The following TMCC1 variants were observed in gnomAD, a reference collection of about 807,000 sequenced individuals.
TMCC1 encodes the protein transmembrane and coiled-coil domain family 1, also known as transmembrane and coiled-coil domains protein 1.
A neutral mutation model predicts 52.4 loss-of-function variants in TMCC1; 15 were observed. The ratio of observed to expected loss-of-function variants is 0.29; its 90% CI spans 0.19 to 0.44. TMCC1 has a LOEUF of 0.44. TMCC1 is among the 20% of genes least tolerant of loss of function. The pLI is 1.00. For missense variants in TMCC1, 503 were observed against 806.0 expected (o/e 0.62, Z 4.55); for synonymous variants, 279 against 301.9 (o/e 0.92, Z 0.79).
intron 4 of TMCC1, among the ~76,000 whole-genome samples, chr3:129,714,375 C>G (rs2048914621): frequency 6.6e-6 from 1 of 152,132 alleles, no homozygotes; most frequent in African/African-American, 2.4e-5. Context: ...ACTGTGCCAG[C>G]TCCAGGTATC....
At chr3:129,792,569 C>A (rs2056551879) in intron 4 of TMCC1, among the ~76,000 whole-genome samples, 1 of 152,090 alleles carries the variant, frequency 6.6e-6, no homozygotes, top group African/African-American at 2.4e-5. Context: ...CACGCTGATC[C>A]ATTTGCTGAG....
intron 4 of TMCC1, among the ~76,000 whole-genome samples, chr3:129,724,704 A>AT (rs1251334077): frequency 6.6e-5 from 10 of 152,186 alleles, no homozygotes; most frequent in African/African-American, 2.4e-4. Context: ...CAGAACATGA[A>AT]TTTTCTACCA....
intron 1 of TMCC1, among the ~76,000 whole-genome samples, chr3:129,888,998 A>C (rs1362752255): frequency 6.6e-6 from 1 of 152,190 alleles, no homozygotes; most frequent in Middle Eastern, 3.2e-3. Context: ...ACGGCTGGAC[A>C]CAGTGACTCA....
At position 129,885,278 on chromosome 3, in the gene TMCC1, T is replaced by C. The variant is rs767301514; in HGVS notation, c.-434-4719A>G. The stretch of plus-strand genomic sequence containing the variant: ...GAAGAAAACTTTTGCCAAGTCTTCC[T>C]GAGGAAAATGAATTTGTCAAAGCAA... On this transcript the variant is annotated intron_variant, in intron 1 of 6. Coordinates refer to ENST00000393238, the MANE Select transcript of TMCC1 (RefSeq NM_001017395.5). 2.1e-4 allele frequency among the ~76,000 whole-genome samples: 32 copies of C among 152,220 alleles called. 1 individual carries two copies. The highest frequency in any genetic ancestry group is 3.4e-3 in the Middle Eastern group (1 of 294).
At chr3:129,719,912 C>T (rs1437916817) in intron 4 of TMCC1, among the ~76,000 whole-genome samples, 1 of 152,054 alleles carries the variant, frequency 6.6e-6, no homozygotes, top group Non-Finnish European at 1.5e-5. Context: ...GGCACGGTGT[C>T]TCATGCCTGT....
At chr3:129,715,617 C>T (rs1333383410) in intron 4 of TMCC1, among the ~76,000 whole-genome samples, 2 of 152,166 alleles carry the variant, frequency 1.3e-5, no homozygotes, top group African/African-American at 4.8e-5. Flanking sequence ...TCCAAGTAAG[C>T]CTACCTTTAT....
intron 2 of TMCC1, among the ~76,000 whole-genome samples, chr3:129,867,503 A>C (rs1436469764): frequency 6.6e-6 from 1 of 152,174 alleles, no homozygotes; most frequent in Non-Finnish European, 1.5e-5. Context: ...TATCAAATCT[A>C]AATTCCTTAA....
intron 4 of TMCC1, among the ~76,000 whole-genome samples, chr3:129,741,574 T>C (rs1014925605): frequency 6.6e-6 from 1 of 152,178 alleles, no homozygotes; most frequent in African/African-American, 2.4e-5. Context: ...TGCCACTGAG[T>C]TAATTGTCTC....
chr3:129,666,637 G>A (rs188067019), intron 5 of TMCC1, among the ~76,000 whole-genome samples: 1 of 152,094 alleles, frequency 6.6e-6, no homozygotes, highest in African/African-American at 2.4e-5. Context: ...CTACTGGGGA[G>A]GCTAAGGCAG....
chr3:129,703,713 T>A (rs1252354567), intron 4 of TMCC1, among the ~76,000 whole-genome samples: 2 of 152,142 alleles, frequency 1.3e-5, no homozygotes, highest in Non-Finnish European at 2.9e-5. Flanking sequence ...TTAACACCAG[T>A]ATAGAGCATA....
chr3:129,698,386 GT>G (rs1477194489), intron 4 of TMCC1, among the ~76,000 whole-genome samples: 4 of 152,120 alleles, frequency 2.6e-5, no homozygotes, highest in African/African-American at 7.2e-5. Context: ...TTCCCACTGG[GT>G]CCCACGACAC....
At chr3:129,748,479 G>T (rs1283565940) in intron 4 of TMCC1, among the ~76,000 whole-genome samples, 2 of 152,020 alleles carry the variant, frequency 1.3e-5, no homozygotes, top group Admixed American at 1.3e-4. Context: ...GGAGAGACAG[G>T]GTTTTACCAT....
intron 1 of TMCC1, among the ~76,000 whole-genome samples, chr3:129,880,963 A>C (rs2061431763): frequency 6.6e-6 from 1 of 151,144 alleles, no homozygotes; most frequent in Non-Finnish European, 1.5e-5. Flanking sequence ...TCCCAGGTTC[A>C]AGCGATTCTC....
intron 4 of TMCC1, among the ~76,000 whole-genome samples, chr3:129,827,323 T>G (rs1223307072): frequency 6.6e-6 from 1 of 152,246 alleles, no homozygotes; most frequent in Non-Finnish European, 1.5e-5. Flanking sequence ...TACTGTGGCA[T>G]GCAAAATGTA....
intron 4 of TMCC1, among the ~76,000 whole-genome samples, chr3:129,810,224 G>A (rs2057726853): frequency 6.6e-6 from 1 of 152,124 alleles, no homozygotes; most frequent in Non-Finnish European, 1.5e-5. Flanking sequence ...TGGGCATGGT[G>A]GCGGGCACGT....
chr3:129,732,298 C>T (rs1462993456), intron 4 of TMCC1, among the ~76,000 whole-genome samples: 1 of 152,158 alleles, frequency 6.6e-6, no homozygotes, highest in Non-Finnish European at 1.5e-5. Flanking sequence ...GACATCCTTG[C>T]ACTGTTCCCC....
intron 2 of TMCC1, among the ~76,000 whole-genome samples, chr3:129,868,682 C>T (rs2060772823): frequency 6.6e-6 from 1 of 152,180 alleles, no homozygotes; most frequent in South Asian, 2.1e-4. Context: ...TCAAGTGATC[C>T]ACCCACCTTG....
At chr3:129,685,315 G>A (rs751386120) in intron 4 of TMCC1, among the ~76,000 whole-genome samples, 8 of 151,850 alleles carry the variant, frequency 5.3e-5, no homozygotes, top group Non-Finnish European at 7.4e-5. Flanking sequence ...GGAGTCTAAG[G>A]CTGCACTGAA....
At chr3:129,764,779 ATATATATATATTTTTTTTTTTTTTTTTT>A (rs2053965404) in intron 4 of TMCC1, among the ~76,000 whole-genome samples, 1 of 68,046 alleles carries the variant, frequency 1.5e-5, no homozygotes, top group Admixed American at 2.4e-4. Context: ...ATATATATAT[ATATATATATATTTTTTTTTTTTTTTTTT>A]TTTTTTTTTT....
Sources: gnomAD v4.1 joint callset for allele counts (sites outside exome capture counted in the v4.1 genomes callset) on GRCh38, gnomAD v4.1.1 for gene constraint, MANE v1.5 for transcripts, NCBI Gene and HGNC (gene_info 2026-07-23, HGNC 2026-07-21) for gene names.